The following GRID2 variants were observed in gnomAD, a reference collection of about 807,000 sequenced individuals.
GRID2 encodes the protein glutamate ionotropic receptor delta type subunit 2.
A neutral mutation model predicts 114.8 loss-of-function variants in GRID2; 33 were observed. That is an observed-to-expected ratio of 0.29 (90% confidence interval 0.22 to 0.38). The LOEUF (loss-of-function observed/expected upper bound fraction) is 0.38. Ranked by LOEUF, GRID2 falls within the 10% of genes least tolerant of loss-of-function variation. The pLI is 1.00. For missense variants in GRID2, 1,184 were observed against 1,257.7 expected (o/e 0.94, Z 0.89); for synonymous variants, 505 against 449.9 (o/e 1.12, Z -1.55).
intron 1 of GRID2, among the ~76,000 whole-genome samples, chr4:92,379,475 C>T (rs62311008): frequency 0.091 from 13,831 of 152,002 alleles, 645 homozygotes; most frequent in Middle Eastern, 0.13. Flanking sequence ...CTAAATATTA[C>T]TATTTATTAC....
chr4:93,322,424 AT>A (rs1757333701), intron 8 of GRID2, among the ~76,000 whole-genome samples: 1 of 151,952 alleles, frequency 6.6e-6, no homozygotes. Context: ...TATGTGCCAC[AT>A]TTTCTTAATC....
intron 14 of GRID2, among the ~76,000 whole-genome samples, chr4:93,708,740 C>CTTCTTTCCT (rs1203581987): frequency 4.0e-5 from 6 of 151,736 alleles, no homozygotes; most frequent in Middle Eastern, 3.4e-3. Context: ...GTGGTCTTCC[C>CTTCTTTCCT]TTCTTTCCTT....
chr4:93,334,288 G>C (rs1319778167), intron 8 of GRID2, among the ~76,000 whole-genome samples: 1 of 152,084 alleles, frequency 6.6e-6, no homozygotes, highest in African/African-American at 2.4e-5. Context: ...TGTAGACAGT[G>C]TTAGGACTCT....
chr4:93,726,940 A>G (rs1729965160), intron 14 of GRID2, among the ~76,000 whole-genome samples: 1 of 152,216 alleles, frequency 6.6e-6, no homozygotes, highest in Admixed American at 6.5e-5. Flanking sequence ...AACAGGGACA[A>G]TTTGACTTCC....
chr4:93,317,744 A>G (rs866578736), intron 8 of GRID2, among the ~76,000 whole-genome samples: 1 of 151,754 alleles, frequency 6.6e-6, no homozygotes, highest in Non-Finnish European at 1.5e-5. Context: ...CCTGTGAGTC[A>G]TCTCTTCATA....
At chr4:93,623,150 ATTCT>A (rs1008757267) in intron 13 of GRID2, among the ~76,000 whole-genome samples, 1 of 151,844 alleles carries the variant, frequency 6.6e-6, no homozygotes, top group Admixed American at 6.6e-5. Flanking sequence ...ATGGCAGATG[ATTCT>A]TTTTTTTATT....
At chr4:92,365,982 A>C (rs964254318) in intron 1 of GRID2, among the ~76,000 whole-genome samples, 8 of 152,092 alleles carry the variant, frequency 5.3e-5, no homozygotes, top group African/African-American at 1.9e-4. Flanking sequence ...TGTAAAGATT[A>C]AATATGAAAC....
Position 92,683,295 on chromosome 4 carries a change from T to G in GRID2, c.244+93009T>G, listed in dbSNP as rs889470148. Among the ~76,000 whole-genome samples, 4 of 151,950 alleles carry G rather than the reference T, an allele frequency of 2.6e-5. No homozygotes were observed. In the South Asian group the frequency reaches 8.3e-4, roughly 32 times the overall value. On this transcript the variant is annotated intron_variant, in intron 2 of 15. Transcript: ENST00000282020. ...GCCTGGGTGAAAGAGTGAGACTCCA[T>G]ATCAGAAAAAAAAAATTGTAGTTAA...
At chr4:92,906,328 T>C (rs956642735) in intron 2 of GRID2, among the ~76,000 whole-genome samples, 10 of 149,908 alleles carry the variant, frequency 6.7e-5, no homozygotes, top group African/African-American at 2.4e-4. Context: ...TGTGCTTTTA[T>C]GTATGTGCTC....
intron 2 of GRID2, among the ~76,000 whole-genome samples, chr4:92,989,503 T>A (rs1578688086): frequency 6.6e-6 from 1 of 151,826 alleles, no homozygotes; most frequent in African/African-American, 2.4e-5. Flanking sequence ...TAAGTTAGAT[T>A]TTCTCAAGGT....
chr4:93,598,133 C>T (rs1739292341), intron 13 of GRID2, among the ~76,000 whole-genome samples: 1 of 152,118 alleles, frequency 6.6e-6, no homozygotes, highest in Non-Finnish European at 1.5e-5. Context: ...AACTTAAGCT[C>T]GTTGAAGTTA....
intron 2 of GRID2, among the ~76,000 whole-genome samples, chr4:92,927,754 G>T (rs909119200): frequency 1.3e-5 from 2 of 151,712 alleles, no homozygotes; most frequent in African/African-American, 2.4e-5. Flanking sequence ...TAATGTTGCA[G>T]ATTCTTATGG....
intron 2 of GRID2, among the ~76,000 whole-genome samples, chr4:92,666,650 G>GTTGTTTTTTTTT (rs1732792716): frequency 5.8e-5 from 4 of 68,594 alleles, no homozygotes; most frequent in Non-Finnish European, 1.1e-4. Context: ...CTTAAGGGTT[G>GTTGTTTTTTTTT]TTTTTTTTTT....
chr4:93,485,992 G>A (rs1726363675), intron 11 of GRID2, among the ~76,000 whole-genome samples: 1 of 151,660 alleles, frequency 6.6e-6, no homozygotes, highest in Non-Finnish European at 1.5e-5. Flanking sequence ...CTCAATCAAT[G>A]AACATGCTAT....
At chr4:92,434,863 GCAC>G in intron 1 of GRID2, among the ~76,000 whole-genome samples, 1 of 152,128 alleles carries the variant, frequency 6.6e-6, no homozygotes, top group South Asian at 2.1e-4. Flanking sequence ...TGAAAATTTA[GCAC>G]CCCTTAATCC....
chr4:93,266,752 A>C (rs912649706), intron 8 of GRID2, among the ~76,000 whole-genome samples: 7 of 152,142 alleles, frequency 4.6e-5, no homozygotes, highest in Non-Finnish European at 7.3e-5. Flanking sequence ...TTAAAAGGGG[A>C]TCTCTTTCCT....
At chr4:93,281,034 A>G (rs1752592994) in intron 8 of GRID2, among the ~76,000 whole-genome samples, 3 of 151,950 alleles carry the variant, frequency 2.0e-5, no homozygotes, top group African/African-American at 7.2e-5. Flanking sequence ...ATGCACATAC[A>G]CAAACTAAAT....
intron 1 of GRID2, among the ~76,000 whole-genome samples, chr4:92,319,890 A>G (rs190237593): frequency 1.4e-4 from 22 of 152,310 alleles, no homozygotes; most frequent in African/African-American, 4.6e-4. Flanking sequence ...CATTTTTAGG[A>G]TAAAAAGTCA....
intron 8 of GRID2, among the ~76,000 whole-genome samples, chr4:93,332,263 T>TGC (rs148191651): frequency 0.026 from 2,766 of 106,462 alleles, 33 homozygotes; most frequent in Non-Finnish European, 0.031. Context: ...TGTGTGTGTG[T>TGC]GTGCGTGTGT....
Sources: allele counts gnomAD v4.1 joint callset (sites outside exome capture counted in the v4.1 genomes callset), GRCh38; gene constraint gnomAD v4.1.1; transcripts MANE v1.5; gene names NCBI Gene and HGNC (gene_info 2026-07-23, HGNC 2026-07-21).